LMOD1: variants seen among roughly 807,000 people sequenced by gnomAD.
LMOD1 encodes leiomodin 1.
A neutral mutation model predicts 36.5 loss-of-function variants in LMOD1; 8 were observed. The observed-to-expected ratio is 0.22, with a 90% CI of 0.13 to 0.40. The LOEUF (loss-of-function observed/expected upper bound fraction) is 0.40. LMOD1 is among the 10% of genes least tolerant of loss of function. The probability of loss-of-function intolerance (pLI) is 1.00; values close to 1 mark genes in which losing one functional copy is unlikely to be tolerated. For missense variants in LMOD1, 630 were observed against 751.1 expected (o/e 0.84, Z 1.88); for synonymous variants, 284 against 288.7 (o/e 0.98, Z 0.17).
Position 201,900,276 on chromosome 1 carries a change from G to C in LMOD1, c.737C>G (p.Thr246Arg), listed in dbSNP as rs1681275325. Reference sequence around the variant, plus strand: ...CTTCTCATCCTCCTTTTTCATGTCTGTGTTCCCACCTGCTCTTTTCATCTT... The same window carrying C: ...CTTCTCATCCTCCTTTTTCATGTCTCTGTTCCCACCTGCTCTTTTCATCTT... The part of the protein sequence containing the change: ...GEKMKRAGGN[T>R]DMKKEDEKVK... The change falls in exon 2 of 3, where the codon ACA becomes AGA. Residue 246 changes from threonine to arginine, a missense_variant. Around this residue, in one of 3 missense-constraint regions of LMOD1, gnomAD observed 405 missense variants for 400.6 expected, o/e 1.01. Coordinates refer to ENST00000367288, the MANE Select transcript of LMOD1 (RefSeq NM_012134.3). The C allele has an allele frequency of 2.5e-6, 4 of 1,612,070 alleles. No individual in the cohort carries two copies. The highest frequency in any genetic ancestry group is 3.4e-5 in the Admixed American group (2 of 59,664).
rs1229693954 is a variant in LMOD1 at position 201,896,705 on chromosome 1, A to T, written c.*1667T>A. ...CCAGCTCATACCCTTTAGGTCCAGGAGCCAGTGTGTGTCTGTCTCCTCTCC... is the reference window on the plus strand; with the variant it reads ...CCAGCTCATACCCTTTAGGTCCAGGTGCCAGTGTGTGTCTGTCTCCTCTCC... On this transcript the variant is annotated 3_prime_UTR_variant, in exon 3 of 3. Coordinates refer to ENST00000367288, the MANE Select transcript of LMOD1 (RefSeq NM_012134.3). The T allele has an allele frequency of 2.2e-6, 1 of 456,560 alleles. No individual in the cohort carries two copies. The highest frequency in any genetic ancestry group is 1.5e-5 in the South Asian group (1 of 64,560). The allele number at this position is 456,560 out of a possible 1,614,324, so 28.3% of individuals were successfully genotyped here. A position where few individuals can be genotyped will look rare whatever the true frequency, so the allele number is the denominator to read the frequency against.
intron 1 of LMOD1, among the ~76,000 whole-genome samples, chr1:201,930,413 A>G (rs983699246): frequency 6.6e-6 from 1 of 152,180 alleles, no homozygotes; most frequent in Non-Finnish European, 1.5e-5. Context: ...CAGAAACAAC[A>G]GGATCCTATC....
chr1:201,941,825 G>C (rs1474417594), intron 1 of LMOD1, among the ~76,000 whole-genome samples: 1 of 152,234 alleles, frequency 6.6e-6, no homozygotes, highest in African/African-American at 2.4e-5. Flanking sequence ...ACCCCCACCA[G>C]CTCAGCTGCC....
intron 1 of LMOD1, among the ~76,000 whole-genome samples, chr1:201,911,557 C>T (rs1307129508): frequency 5.9e-5 from 9 of 152,070 alleles, no homozygotes; most frequent in Admixed American, 4.6e-4. Flanking sequence ...CCCAGCTACC[C>T]GGGAGGCTGA....
intron 1 of LMOD1, among the ~76,000 whole-genome samples, chr1:201,929,333 C>T (rs1175968002): frequency 6.7e-6 from 1 of 149,102 alleles, no homozygotes. Flanking sequence ...TCACCTGACT[C>T]GGCATACCAA....
chr1:201,923,104 C>T (rs536558120), intron 1 of LMOD1, among the ~76,000 whole-genome samples: 6 of 152,180 alleles, frequency 3.9e-5, no homozygotes, highest in East Asian at 1.9e-4. Context: ...GGATTACAGG[C>T]GTGAGCCACT....
At chr1:201,908,896 C>T (rs945079156) in intron 1 of LMOD1, among the ~76,000 whole-genome samples, 1 of 152,198 alleles carries the variant, frequency 6.6e-6, no homozygotes, top group African/African-American at 2.4e-5. Flanking sequence ...TGCTCCCAAC[C>T]TTAGGCCCTG....
chr1:201,924,187 G>C (rs1414979317), intron 1 of LMOD1, among the ~76,000 whole-genome samples: 2 of 151,062 alleles, frequency 1.3e-5, no homozygotes, highest in Non-Finnish European at 3.0e-5. Context: ...AGCCGGGAGC[G>C]GTGGCGGGCA....
In LMOD1 at chr1:201,898,408, C is replaced by G. The variant is rs747605914; in HGVS notation, c.1777-10G>C. 8 of 1,611,876 alleles carry G rather than the reference C, an allele frequency of 5.0e-6. No homozygotes were observed. Among genetic ancestry groups the G allele is most frequent in the Non-Finnish European group, 5.9e-6 (7 of 1,179,038 alleles). On this transcript the variant is annotated splice_polypyrimidine_tract_variant and intron_variant, in intron 2 of 2. Transcript: ENST00000367288. Reference sequence around the variant, plus strand: ...GTTTGGGCACTTCCACCTGTAGGGGCAAAGTAGAGACAGGTTAGAGAAGGG... The same window carrying G: ...GTTTGGGCACTTCCACCTGTAGGGGGAAAGTAGAGACAGGTTAGAGAAGGG...
At chr1:201,937,180 G>T (rs1682032778) in intron 1 of LMOD1, among the ~76,000 whole-genome samples, 1 of 152,194 alleles carries the variant, frequency 6.6e-6, no homozygotes, top group South Asian at 2.1e-4. Flanking sequence ...AGGTGTGGTG[G>T]CTCATGCCCG....
At chr1:201,937,967 A>C (rs1233321349) in intron 1 of LMOD1, among the ~76,000 whole-genome samples, 5 of 152,146 alleles carry the variant, frequency 3.3e-5, no homozygotes, top group Admixed American at 6.5e-5. Flanking sequence ...AAACGAATGA[A>C]GAGAATGGGA....
chr1:201,923,781 T>C (rs767108976), intron 1 of LMOD1, among the ~76,000 whole-genome samples: 26 of 151,606 alleles, frequency 1.7e-4, no homozygotes, highest in Non-Finnish European at 1.8e-4. Flanking sequence ...GGGAGAATCA[T>C]ATGAGGCCTA....
intron 1 of LMOD1, among the ~76,000 whole-genome samples, chr1:201,903,573 CA>C (rs1157997844): frequency 2.0e-5 from 3 of 152,208 alleles, no homozygotes; most frequent in Non-Finnish European, 4.4e-5. Flanking sequence ...CAAGGAAACC[CA>C]ATGGATCAGC....
rs181315836 is a variant in LMOD1 at position 201,901,233 on chromosome 1, G to A, written c.262-482C>T. Among the ~76,000 whole-genome samples the A allele has an allele frequency of 3.3e-5, 5 of 151,988 alleles. 1 individual carries two copies. Among genetic ancestry groups the A allele is most frequent in the Admixed American group, 6.6e-5 (1 of 15,242 alleles). On this transcript the variant is annotated intron_variant, in intron 1 of 2. Transcript: ENST00000367288. Reference sequence around the variant, plus strand: ...AAAAATATACATGAAGTCCGGGCGCGGTGGCTCATGCCTGTAATCCCAACA... The same window carrying A: ...AAAAATATACATGAAGTCCGGGCGCAGTGGCTCATGCCTGTAATCCCAACA...
chr1:201,898,411 A>G lies in LMOD1; in HGVS notation c.1777-13T>C, dbSNP rs771333313. The G allele has an allele frequency of 4.3e-6, 7 of 1,611,610 alleles. No individual in the cohort carries two copies. The African/African-American group carries it at 6.7e-5, about 15-fold the overall frequency. ...TGGGCACTTCCACCTGTAGGGGCAA[A>G]GTAGAGACAGGTTAGAGAAGGGAGC... On this transcript the variant is annotated splice_polypyrimidine_tract_variant and intron_variant, in intron 2 of 2. Coordinates refer to ENST00000367288, the MANE Select transcript of LMOD1 (RefSeq NM_012134.3).
chr1:201,898,802 G>A (rs912418920), intron 2 of LMOD1, among the ~76,000 whole-genome samples: 1 of 152,208 alleles, frequency 6.6e-6, no homozygotes, highest in Non-Finnish European at 1.5e-5. Context: ...ATCTCCCAGA[G>A]ACCTTTCGGA....
intron 1 of LMOD1, among the ~76,000 whole-genome samples, chr1:201,911,438 G>A (rs1168113506): frequency 1.3e-5 from 2 of 152,178 alleles, no homozygotes; most frequent in South Asian, 2.1e-4. Context: ...ACCGATGTGT[G>A]CGGATCACTT....
intron 1 of LMOD1, among the ~76,000 whole-genome samples, chr1:201,945,343 G>A (rs917022074): frequency 2.6e-5 from 4 of 152,138 alleles, no homozygotes; most frequent in African/African-American, 9.7e-5. Context: ...TCAACCCCCA[G>A]CAAAGCGGCC....
chr1:201,927,411 CA>C (rs1681844338), intron 1 of LMOD1, among the ~76,000 whole-genome samples: 1 of 151,894 alleles, frequency 6.6e-6, no homozygotes, highest in Non-Finnish European at 1.5e-5. Context: ...ACTAAAAATA[CA>C]AAAATTAGCC....
Sources: gnomAD v4.1 joint callset for allele counts (sites outside exome capture counted in the v4.1 genomes callset) on GRCh38, gnomAD v4.1.1 for gene constraint, gnomAD v4.1.1 regional missense constraint, MANE v1.5 for transcripts, NCBI Gene and HGNC (gene_info 2026-07-23, HGNC 2026-07-21) for gene names.